Variants in PIGK observed in about 807,000 individuals in gnomAD.
The protein encoded by PIGK is GPI-anchor transamidase.
Under a neutral mutation model 50.6 loss-of-function variants are expected in PIGK, and 42 were observed. The observed-to-expected ratio is 0.83, with a 90% CI of 0.65 to 1.07. The LOEUF (loss-of-function observed/expected upper bound fraction) is 1.07. Ranked by LOEUF, PIGK falls within the 50% of genes least tolerant of loss-of-function variation. The probability of loss-of-function intolerance (pLI) is 0.00; values close to 1 mark genes in which losing one functional copy is unlikely to be tolerated. For missense variants in PIGK, 448 were observed against 488.7 expected, an observed-to-expected ratio of 0.92 and a Z score of 0.78; for synonymous variants, 151 against 156.0, an observed-to-expected ratio of 0.97 and a Z score of 0.24.
At chr1:77,141,767 C>T (rs1654654637) in intron 9 of PIGK, among the ~76,000 whole-genome samples, 2 of 152,002 alleles carry the variant, frequency 1.3e-5, no homozygotes, top group Admixed American at 6.6e-5. Context: ...AATAAAAGCT[C>T]ACAAAAATAA....
chr1:77,118,909 C>G (rs1654036743), intron 10 of PIGK, among the ~76,000 whole-genome samples: 1 of 152,126 alleles, frequency 6.6e-6, no homozygotes, highest in Non-Finnish European at 1.5e-5. Flanking sequence ...ACATTTGAGT[C>G]AGTGGACTGT....
At position 77,154,617 on chromosome 1, in the gene PIGK, T is replaced by C. The variant is rs1654968392; in HGVS notation, c.818A>G (p.Gln273Arg). The C allele has an allele frequency of 1.3e-5, 21 of 1,599,518 alleles. No homozygotes were observed. Among genetic ancestry groups the C allele is most frequent in the Non-Finnish European group, 1.8e-5 (21 of 1,169,700 alleles). The part of the protein sequence containing the change: ...ASQTNMNDLF[Q>R]VCPKSLCVST... ...CACACACAGACTTTTGGGACATACC[T>C]GAAACTGAAAAAATATATAATAATA... Residue 273 changes from glutamine (Q) to arginine (R), a missense_variant, in exon 9 of 11, where the codon CAG becomes CGG. Physicochemically the swap from Gln to Arg is conservative, Grantham distance 43. Transcript: ENST00000370812.
intron 10 of PIGK, among the ~76,000 whole-genome samples, chr1:77,102,865 C>G (rs1653580634): frequency 6.6e-6 from 1 of 152,122 alleles, no homozygotes; most frequent in Non-Finnish European, 1.5e-5. Context: ...TTTATACCAT[C>G]CTAGTCTTCT....
At chr1:77,122,407 G>T in intron 9 of PIGK, 48 bp from the exon 10 acceptor site, 3 of 961,098 alleles carry the variant, frequency 3.1e-6, no homozygotes, top group South Asian at 1.4e-5. Context: ...ATACTATTTT[G>T]AAATATAGCA....
At chr1:77,165,686 T>A (rs1655218773) in intron 5 of PIGK, among the ~76,000 whole-genome samples, 1 of 148,682 alleles carries the variant, frequency 6.7e-6, no homozygotes, top group Non-Finnish European at 1.5e-5. Flanking sequence ...ACCCAAACAA[T>A]AAAGTAATAG....
intron 3 of PIGK, chr1:77,195,155 A>G: frequency 8.1e-7 from 1 of 1,236,166 alleles, no homozygotes; most frequent in South Asian, 1.2e-5. Flanking sequence ...ATCATTGCCA[A>G]TGAGATTGGG....
At chr1:77,142,374 T>G (rs1050343310) in intron 9 of PIGK, among the ~76,000 whole-genome samples, 2 of 152,172 alleles carry the variant, frequency 1.3e-5, no homozygotes, top group Non-Finnish European at 2.9e-5. Flanking sequence ...TAAAAAGGCA[T>G]TGACAAAGTA....
intron 9 of PIGK, among the ~76,000 whole-genome samples, chr1:77,123,422 C>T (rs939125167): frequency 6.6e-6 from 1 of 151,848 alleles, no homozygotes; most frequent in Admixed American, 6.6e-5. Context: ...GGCAGATATA[C>T]AAAAAAAGAC....
At chr1:77,135,568 C>G (rs1332433180) in intron 9 of PIGK, among the ~76,000 whole-genome samples, 1 of 151,842 alleles carries the variant, frequency 6.6e-6, no homozygotes, top group Non-Finnish European at 1.5e-5. Context: ...TTGTTATAAA[C>G]TATTATTATT....
rs150790680 is a variant in PIGK, at chr1:77,113,981, T to C, written c.1071+8294A>G. On this transcript the variant is annotated intron_variant, in intron 10 of 10. Coordinates refer to ENST00000370812, the MANE Select transcript of PIGK (RefSeq NM_005482.3). The stretch of plus-strand genomic sequence containing the variant: ...GCAATTGCAAACAGCATTGAGAAGG[T>C]GACTCTCTTTAGCCCAGTATCTAAA... Among the ~76,000 whole-genome samples the C allele has an allele frequency of 2.6e-3, 390 of 152,228 alleles. 2 individuals carry two copies. The highest frequency in any genetic ancestry group is 8.3e-3 in the African/African-American group (346 of 41,558).
chr1:77,126,723 C>T (rs1239245249), intron 9 of PIGK, among the ~76,000 whole-genome samples: 5 of 152,078 alleles, frequency 3.3e-5, no homozygotes, highest in African/African-American at 1.2e-4. Context: ...CTCTGACAAA[C>T]CATATATAAT....
Position 77,092,283 on chromosome 1 carries a change from T to C in PIGK, c.*91A>G. 1.6e-6 allele frequency: 1 copy of C among 612,160 alleles called. No individual in the cohort carries two copies. Among genetic ancestry groups the C allele is most frequent in the Non-Finnish European group, 2.9e-6 (1 of 350,342 alleles). The allele number at this position is 612,160 out of a possible 1,614,324, so 37.9% of individuals were successfully genotyped here. ...TTTCCTTATACTTATTTCCAATTCA[T>C]ACAAGAGAAACACATTTTTAAAAAT... On this transcript the variant is annotated 3_prime_UTR_variant, in exon 11 of 11. Coordinates refer to ENST00000370812, the MANE Select transcript of PIGK (RefSeq NM_005482.3).
chr1:77,153,659 G>C (rs971772745), intron 9 of PIGK: 3 of 151,734 alleles, frequency 2.0e-5, no homozygotes, highest in Non-Finnish European at 4.4e-5. Context: ...GTTGTAACTA[G>C]AATCAAAGAA....
rs1653265510 is a variant in PIGK at position 77,090,244 on chromosome 1, G to A, written c.*2130C>T. The A allele has an allele frequency of 6.6e-6, 1 of 152,196 alleles. No homozygotes were observed. The highest frequency in any genetic ancestry group is 1.5e-5 in the Non-Finnish European group (1 of 68,022). The allele number at this position is 152,196 out of a possible 1,614,324, so 9.4% of individuals were successfully genotyped here. On this transcript the variant is annotated 3_prime_UTR_variant, in exon 11 of 11. Coordinates refer to ENST00000370812, the MANE Select transcript of PIGK (RefSeq NM_005482.3). ...TTGTTTTTATGATACTGTTTAAAGT[G>A]TAGGCCATTTAATTGCACTGACAAT...
chr1:77,135,261 A>C (rs1202649764), intron 9 of PIGK, among the ~76,000 whole-genome samples: 5 of 151,996 alleles, frequency 3.3e-5, no homozygotes, highest in Admixed American at 3.3e-4. Flanking sequence ...TTTTGTTTTA[A>C]ATATTTTGTG....
intron 3 of PIGK, among the ~76,000 whole-genome samples, chr1:77,186,437 T>C (rs755171090): frequency 1.3e-5 from 2 of 152,242 alleles, no homozygotes; most frequent in Non-Finnish European, 2.9e-5. Context: ...TACTGATTCA[T>C]GGGCTGTAGC....
intron 10 of PIGK, among the ~76,000 whole-genome samples, chr1:77,121,661 T>A (rs1654097707): frequency 6.6e-6 from 1 of 152,160 alleles, no homozygotes; most frequent in Non-Finnish European, 1.5e-5. Context: ...AACAGAACAT[T>A]TAAAATTATT....
At position 77,091,911 on chromosome 1, in the gene PIGK, T is replaced by C. The variant is rs1316650318; in HGVS notation, c.*463A>G. The C allele has an allele frequency of 1.3e-5, 2 of 152,696 alleles. No individual in the cohort carries two copies. Among genetic ancestry groups the C allele is most frequent in the African/African-American group, 2.4e-5 (1 of 41,456 alleles). 9.5% of individuals were successfully genotyped at this position (152,696 alleles called of 1,614,324 possible). A position where few individuals can be genotyped will look rare whatever the true frequency, so the allele number is the denominator to read the frequency against. On this transcript the variant is annotated 3_prime_UTR_variant, in exon 11 of 11. Transcript: ENST00000370812. ...TGAGAGGGAAAAGGTTGATAATACA[T>C]TGTAAAATGAAAAAAGACATTACAA...
chr1:77,179,762 T>C, intron 3 of PIGK, among the ~76,000 whole-genome samples: 1 of 151,672 alleles, frequency 6.6e-6, no homozygotes, highest in African/African-American at 2.4e-5. Flanking sequence ...TAAACATAAT[T>C]TGATGATATA....
Sources: gnomAD v4.1 joint callset for allele counts (sites outside exome capture counted in the v4.1 genomes callset) on GRCh38, gnomAD v4.1.1 for gene constraint, MANE v1.5 for transcripts, NCBI Gene and HGNC (gene_info 2026-07-23, HGNC 2026-07-21) for gene names.